Variants in PLEKHS1 observed in about 807,000 individuals in gnomAD.
The protein encoded by PLEKHS1 is pleckstrin homology domain-containing family S member 1.
Under a neutral mutation model 51.0 loss-of-function variants are expected in PLEKHS1, and 55 were observed. The observed-to-expected ratio is 1.08, with a 90% CI of 0.87 to 1.35. The LOEUF is 1.35. Among genes scored for constraint, PLEKHS1 ranks in the 40% most tolerant of loss-of-function variants. The pLI, the probability that PLEKHS1 is intolerant of heterozygous loss-of-function variation, is 0.00. For missense variants in PLEKHS1, 398 were observed against 423.0 expected, an observed-to-expected ratio of 0.94 and a Z score of 0.52; for synonymous variants, 153 against 144.8, an observed-to-expected ratio of 1.06 and a Z score of -0.41.
exon 5 of PLEKHS1, chr10:113,767,471 C>G: frequency 1.2e-6 from 2 of 1,608,240 alleles, no homozygotes; most frequent in South Asian, 2.2e-5. Flanking sequence ...TCCTCATTGG[C>G]CACGACAGGT....
intron 11 of PLEKHS1, 86 bp from the exon 12 acceptor site, chr10:113,777,038 G>A: frequency 4.0e-6 from 6 of 1,505,520 alleles, no homozygotes; most frequent in Non-Finnish European, 5.4e-6. Context: ...GGTGCCACGT[G>A]ACCTAGAATC....
At chr10:113,767,375 C>T in exon 5 of PLEKHS1, 1 of 1,608,778 alleles carries the variant, frequency 6.2e-7, no homozygotes, top group Non-Finnish European at 8.5e-7. Flanking sequence ...GCATAAGTAG[C>T]CAGGAAAAGA....
At chr10:113,754,208 T>C (rs1051850398) in intron 1 of PLEKHS1, among the ~76,000 whole-genome samples, 13 of 152,218 alleles carry the variant, frequency 8.5e-5, no homozygotes, top group Non-Finnish European at 1.5e-4. Flanking sequence ...AATGAGTTTA[T>C]GTTGAAGAAA....
rs116300039 is a variant in PLEKHS1 at position 113,753,281 on chromosome 10, C to T, written c.-20+1520C>T. ...AGGTGATGGGTTGAAAACCGCTTGT[C>T]CCCAGCTCTTCAGGCAGTGAAATCC... On this transcript the variant is annotated intron_variant, in intron 1 of 11. Coordinates refer to ENST00000361048, the Ensembl canonical transcript of PLEKHS1. 7.1e-3 allele frequency among the ~76,000 whole-genome samples: 1,082 copies of T among 152,282 alleles called. 14 individuals carry two copies. Among genetic ancestry groups the T allele is most frequent in the African/African-American group, 0.025 (1,041 of 41,552 alleles).
intron 1 of PLEKHS1, 66 bp from the exon 2 acceptor site, chr10:113,755,193 G>A (rs989861803): frequency 3.5e-5 from 52 of 1,499,072 alleles, no homozygotes; most frequent in East Asian, 7.2e-5. Context: ...ACTGACCAGC[G>A]GTGGCTGGTC....
intron 1 of PLEKHS1, among the ~76,000 whole-genome samples, chr10:113,752,527 A>G (rs1359343634): frequency 1.3e-5 from 2 of 152,206 alleles, no homozygotes; most frequent in Non-Finnish European, 2.9e-5. Context: ...GCTCATCAAC[A>G]GGGTATCTCA....
At chr10:113,764,286 G>A (rs1368919991) in intron 2 of PLEKHS1, among the ~76,000 whole-genome samples, 1 of 152,048 alleles carries the variant, frequency 6.6e-6, no homozygotes, top group African/African-American at 2.4e-5. Context: ...TTTTTGTAGA[G>A]ACAGGGTTTC....
intron 2 of PLEKHS1, among the ~76,000 whole-genome samples, chr10:113,763,145 A>C (rs1182451075): frequency 1.3e-5 from 2 of 152,086 alleles, no homozygotes; most frequent in Non-Finnish European, 1.5e-5. Flanking sequence ...TATATGTTTA[A>C]ATTTTTATGT....
intron 11 of PLEKHS1, among the ~76,000 whole-genome samples, chr10:113,778,970 T>C (rs1844787276): frequency 6.6e-6 from 1 of 152,216 alleles, no homozygotes; most frequent in African/African-American, 2.4e-5. Flanking sequence ...TGCTGTATAC[T>C]GTGCTAAATT....
At chr10:113,759,090 G>A (rs1183729420) in intron 2 of PLEKHS1, among the ~76,000 whole-genome samples, 1 of 152,148 alleles carries the variant, frequency 6.6e-6, no homozygotes, top group East Asian at 1.9e-4. Flanking sequence ...TGATATGTGT[G>A]ACACCTGGGA....
At chr10:113,781,277 C>T (rs1844860122) in exon 12 of PLEKHS1, 1 of 95,788 alleles carries the variant, frequency 1.0e-5, no homozygotes, top group Non-Finnish European at 2.4e-5. Flanking sequence ...CCTTCCCAAA[C>T]ACCTCCTTCC....
chr10:113,765,244 C>T (rs1177694268), intron 2 of PLEKHS1: 4 of 540,268 alleles, frequency 7.4e-6, no homozygotes, highest in Non-Finnish European at 1.4e-5. Flanking sequence ...CTAAGTCTTT[C>T]ATGATTTTTT....
At chr10:113,758,982 C>T (rs930569172) in intron 2 of PLEKHS1, among the ~76,000 whole-genome samples, 2 of 151,846 alleles carry the variant, frequency 1.3e-5, no homozygotes, top group African/African-American at 2.4e-5. Flanking sequence ...TTGCTCAGTG[C>T]AGGGTTGCCA....
chr10:113,772,775 G>A (rs557733551), intron 8 of PLEKHS1, among the ~76,000 whole-genome samples: 1 of 152,222 alleles, frequency 6.6e-6, no homozygotes, highest in Non-Finnish European at 1.5e-5. Context: ...GAATAGTTCA[G>A]TGAGGCTGCA....
intron 10 of PLEKHS1, among the ~76,000 whole-genome samples, chr10:113,775,272 TC>T: frequency 6.6e-6 from 1 of 151,992 alleles, no homozygotes; most frequent in African/African-American, 2.4e-5. Flanking sequence ...TTTTAAAAAT[TC>T]CCCCTTGGCT....
chr10:113,774,738 CTGT>C, intron 9 of PLEKHS1, 85 bp from the exon 10 acceptor site: 11 of 1,189,866 alleles, frequency 9.2e-6, no homozygotes, highest in Non-Finnish European at 1.4e-5. Flanking sequence ...CTTCACATGG[CTGT>C]TAGCTACTTA....
chr10:113,777,035 C>T (rs916011292), intron 11 of PLEKHS1, 89 bp from the exon 12 acceptor site: 23 of 1,475,604 alleles, frequency 1.6e-5, no homozygotes, highest in East Asian at 7.0e-5. Context: ...GGTGGTGCCA[C>T]GTGACCTAGA....
chr10:113,761,344 T>C (rs760237583), intron 2 of PLEKHS1, among the ~76,000 whole-genome samples: 1 of 152,188 alleles, frequency 6.6e-6, no homozygotes, highest in Non-Finnish European at 1.5e-5. Flanking sequence ...TTAATAGAGA[T>C]TGCATTGAAT....
chr10:113,760,477 A>G (rs1184508610), intron 2 of PLEKHS1, among the ~76,000 whole-genome samples: 2 of 152,206 alleles, frequency 1.3e-5, no homozygotes, highest in African/African-American at 4.8e-5. Flanking sequence ...TACATCTCAA[A>G]AAAAAAAGAA....
Sources: allele counts gnomAD v4.1 joint callset (sites outside exome capture counted in the v4.1 genomes callset), GRCh38; gene constraint gnomAD v4.1.1; transcripts MANE v1.5; gene names NCBI Gene and HGNC (gene_info 2026-07-23, HGNC 2026-07-21).